Variants in PCDHA1 observed in about 807,000 individuals in gnomAD.
PCDHA1 encodes protocadherin alpha 1.
In PCDHA1, 42 loss-of-function variants were observed where a neutral mutation model predicts 61.3. The ratio of observed to expected loss-of-function variants is 0.69; its 90% confidence interval spans 0.54 to 0.89. The LOEUF (loss-of-function observed/expected upper bound fraction) is 0.89, where lower values mean the gene tolerates loss of function less well. Ranked by LOEUF, PCDHA1 falls within the 40% of genes least tolerant of loss-of-function variation. The pLI, the probability that PCDHA1 is intolerant of heterozygous loss-of-function variation, is 0.00. For synonymous variants in PCDHA1, 610 were observed against 553.8 expected, an observed-to-expected ratio of 1.10 and a Z score of -1.43; for missense variants, 1,256 against 1,235.3, an observed-to-expected ratio of 1.02 and a Z score of -0.25.
At chr5:140,982,617 G>T in intron 3 of PCDHA1, 54 bp downstream of exon 3, 1 of 1,591,926 alleles carries the variant, frequency 6.3e-7, no homozygotes, top group South Asian at 1.1e-5. Context: ...GTGATCAGAT[G>T]ACCTACTTTT....
intron 1 of PCDHA1, among the ~76,000 whole-genome samples, chr5:140,790,229 A>G (rs1761574591): frequency 6.6e-6 from 1 of 152,232 alleles, no homozygotes; most frequent in African/African-American, 2.4e-5. Context: ...CAGTTTTGCA[A>G]AACCCACGGA....
At chr5:140,821,893 C>T in intron 1 of PCDHA1, 1 of 1,614,248 alleles carries the variant, frequency 6.2e-7, no homozygotes, top group Non-Finnish European at 8.5e-7. Flanking sequence ...GGAAGCCAAA[C>T]ACGGAACCTT....
chr5:140,802,821 G>C (rs781849256), intron 1 of PCDHA1: 1 of 1,613,366 alleles, frequency 6.2e-7, no homozygotes, highest in African/African-American at 1.3e-5. Context: ...CGATGCGGGC[G>C]TGCCGCCTCT....
chr5:140,969,331 G>A, intron 1 of PCDHA1: 1 of 1,614,042 alleles, frequency 6.2e-7, no homozygotes, highest in Non-Finnish European at 8.5e-7. Context: ...CTCAAAATGA[G>A]GTGAGACAGT....
chr5:140,835,788 C>A (rs2150244691), intron 1 of PCDHA1: 4 of 1,613,044 alleles, frequency 2.5e-6, no homozygotes, highest in South Asian at 2.2e-5. Flanking sequence ...GGAGAACAAC[C>A]CGCCGGGCTG....
At chr5:140,805,390 C>A in intron 1 of PCDHA1, 2 of 1,090,790 alleles carry the variant, frequency 1.8e-6, no homozygotes, top group Non-Finnish European at 2.2e-6. Context: ...ACTCTGGTTT[C>A]TGTTTGATTC....
chr5:140,857,694 C>G (rs1554150531), intron 1 of PCDHA1: 3 of 1,597,142 alleles, frequency 1.9e-6, no homozygotes, highest in South Asian at 1.1e-5. Context: ...AGCAACTTGA[C>G]GCTGCAGGTG....
chr5:140,797,193 C>A (rs374379905), intron 1 of PCDHA1: 1 of 1,614,160 alleles, frequency 6.2e-7, no homozygotes, highest in Non-Finnish European at 8.5e-7. Context: ...TGTGCTCCAG[C>A]GCCGTGGGGA....
chr5:140,882,882 T>C (rs1554175954), intron 1 of PCDHA1: 2 of 1,614,206 alleles, frequency 1.2e-6, no homozygotes, highest in Non-Finnish European at 1.7e-6. Context: ...AGAGAGGAAA[T>C]TCAGGAACAT....
At chr5:140,916,379 C>G (rs180755548) in intron 1 of PCDHA1, among the ~76,000 whole-genome samples, 2 of 152,302 alleles carry the variant, frequency 1.3e-5, no homozygotes, top group Admixed American at 6.5e-5. Context: ...GTAGCCACCA[C>G]AACTAGGAAT....
At chr5:140,813,646 C>A (rs1168752687) in intron 1 of PCDHA1, 1 of 152,114 alleles carries the variant, frequency 6.6e-6, no homozygotes. Flanking sequence ...TTACTGTGCA[C>A]TAATGTAGAC....
At chr5:140,805,873 A>G (rs1763643403) in intron 1 of PCDHA1, among the ~76,000 whole-genome samples, 1 of 152,198 alleles carries the variant, frequency 6.6e-6, no homozygotes, top group Non-Finnish European at 1.5e-5. Flanking sequence ...GCATTTTATT[A>G]GGCAATGGAA....
In PCDHA1 at chr5:140,796,073, C is replaced by T. The variant is rs781982977; in HGVS notation, c.2394+7389C>T. On this transcript the variant is annotated intron_variant, in intron 1 of 3. Transcript: ENST00000504120. Reference sequence around the variant, plus strand: ...AACGCTTCCCTGGGCACTGTCATTGCTCTCATCACGGTGTCGGATCGCGAC... The same window carrying T: ...AACGCTTCCCTGGGCACTGTCATTGTTCTCATCACGGTGTCGGATCGCGAC... 4.9e-5 allele frequency: 79 copies of T among 1,614,098 alleles called. No individual in the cohort carries two copies. The highest frequency in any genetic ancestry group is 6.7e-5 in the Admixed American group (4 of 60,010).
intron 1 of PCDHA1, chr5:140,841,721 C>T (rs2150321568): frequency 1.2e-6 from 2 of 1,613,868 alleles, no homozygotes; most frequent in Non-Finnish European, 8.5e-7. Context: ...GCCAGTGTTC[C>T]GGGTAAAAGA....
chr5:140,861,197 T>C (rs1203877900), intron 1 of PCDHA1: 1 of 162,270 alleles, frequency 6.2e-6, no homozygotes, highest in Non-Finnish European at 1.3e-5. Context: ...CATGAAATAT[T>C]GTTTTACTAA....
chr5:140,874,901 T>G (rs896201686), intron 1 of PCDHA1, among the ~76,000 whole-genome samples: 2 of 152,208 alleles, frequency 1.3e-5, no homozygotes, highest in Admixed American at 1.3e-4. Context: ...TCTAAAATCT[T>G]ACGATGGAGT....
intron 1 of PCDHA1, among the ~76,000 whole-genome samples, chr5:140,950,042 T>C (rs2153688283): frequency 6.6e-6 from 1 of 152,082 alleles, no homozygotes; most frequent in South Asian, 2.1e-4. Flanking sequence ...GTTACAACCA[T>C]ATAAGACTAT....
At chr5:140,836,449 C>T (rs1774490030) in intron 1 of PCDHA1, 2 of 1,613,826 alleles carry the variant, frequency 1.2e-6, no homozygotes, top group African/African-American at 1.3e-5. Flanking sequence ...ATTGCAGGCC[C>T]AGAGACCGAG....
chr5:140,858,282 G>A (rs782040852), intron 1 of PCDHA1: 1 of 1,597,598 alleles, frequency 6.3e-7, no homozygotes, highest in Admixed American at 1.7e-5. Context: ...GCGGTGGGGA[G>A]CTGGTCTTAC....
Sources: gnomAD v4.1 joint callset for allele counts (sites outside exome capture counted in the v4.1 genomes callset) on GRCh38, gnomAD v4.1.1 for gene constraint, MANE v1.5 for transcripts, NCBI Gene and HGNC (gene_info 2026-07-23, HGNC 2026-07-21) for gene names.